ZDHHC21: variants seen among roughly 807,000 people sequenced by gnomAD.
ZDHHC21 encodes the protein zDHHC palmitoyltransferase 21.
ZDHHC21 carries 15 observed loss-of-function variants against 34.6 expected under a neutral mutation model. The ratio of observed to expected loss-of-function variants is 0.43; its 90% CI spans 0.29 to 0.67. ZDHHC21 has a LOEUF of 0.67. ZDHHC21 is among the 30% of genes least tolerant of loss of function. The pLI is 0.14. For missense variants in ZDHHC21, 344 were observed against 327.7 expected (o/e 1.05, Z -0.38); for synonymous variants, 142 against 101.8 (o/e 1.40, Z -2.38).
intron 1 of ZDHHC21, among the ~76,000 whole-genome samples, chr9:14,691,372 C>A (rs79690443): frequency 6.6e-5 from 10 of 152,158 alleles, no homozygotes; most frequent in Admixed American, 1.3e-4. Flanking sequence ...ACTGCAGAGA[C>A]CATTTGAGTT....
chr9:14,593,577 A>G, the ZDHHC21 span: 1 of 152,428 alleles, frequency 6.6e-6, no homozygotes, highest in Admixed American at 6.5e-5. Context: ...CACATGACAC[A>G]ATGTTTGCTC....
At chr9:14,655,524 A>G (rs143310963) in intron 7 of ZDHHC21, among the ~76,000 whole-genome samples, 112 of 152,070 alleles carry the variant, frequency 7.4e-4, no homozygotes, top group African/African-American at 2.5e-3. Context: ...TTTTTTCTAC[A>G]TCTACCTTCT....
At chr9:14,597,433 G>A in the ZDHHC21 span, among the ~76,000 whole-genome samples, 1 of 152,156 alleles carries the variant, frequency 6.6e-6, no homozygotes, top group Non-Finnish European at 1.5e-5. Flanking sequence ...TGGCACAAAG[G>A]GAGCTGAAGC....
intron 7 of ZDHHC21, among the ~76,000 whole-genome samples, chr9:14,647,783 T>C (rs78505235): frequency 0.053 from 8,060 of 152,246 alleles, 278 homozygotes; most frequent in Admixed American, 0.12. Context: ...CTTCAAAAAC[T>C]GATGAGTGCC....
At chr9:14,689,809 G>A (rs1482298410) in intron 2 of ZDHHC21, among the ~76,000 whole-genome samples, 2 of 152,140 alleles carry the variant, frequency 1.3e-5, no homozygotes, top group Non-Finnish European at 2.9e-5. Context: ...ATGTTGTCCA[G>A]GCTGGAGTGC....
chr9:14,682,817 C>A (rs1305685805), intron 2 of ZDHHC21, among the ~76,000 whole-genome samples: 2 of 152,176 alleles, frequency 1.3e-5, no homozygotes, highest in Admixed American at 6.5e-5. Context: ...TGTGAAAGAA[C>A]AGAAATTACA....
At position 14,614,170 on chromosome 9, in the gene ZDHHC21, C is replaced by G. The variant is rs1411913217; in HGVS notation, c.*4796G>C. 3.3e-5 allele frequency: 5 copies of G among 151,718 alleles called. No homozygotes were observed. The highest frequency in any genetic ancestry group is 3.3e-4 in the Admixed American group (5 of 15,188). The allele number at this position is 151,718 out of a possible 1,614,324, so 9.4% of individuals were successfully genotyped here. A position where few individuals can be genotyped will look rare whatever the true frequency, so the allele number is the denominator to read the frequency against. On this transcript the variant is annotated 3_prime_UTR_variant, in exon 10 of 10. Coordinates refer to ENST00000380916, the MANE Select transcript of ZDHHC21 (RefSeq NM_178566.6). ...GCTGATTATTCATGCACCATCTAGC[C>G]TTCTCTCCATCTTAGTAAGTTTGTG... is the stretch of plus-strand genomic sequence containing the variant.
intron 7 of ZDHHC21, among the ~76,000 whole-genome samples, chr9:14,644,837 C>CACAT (rs1554766556): frequency 1.0e-4 from 15 of 150,352 alleles, no homozygotes; most frequent in South Asian, 2.1e-4. Flanking sequence ...CACACACACA[C>CACAT]ATATATATAT....
In ZDHHC21 at chr9:14,641,056, T is replaced by C. The variant is rs1274140423; in HGVS notation, c.505-1044A>G. Among the ~76,000 whole-genome samples the C allele has an allele frequency of 6.6e-5, 10 of 152,086 alleles. No individual in the cohort carries two copies. In the East Asian group the frequency reaches 1.7e-3, roughly 26 times the overall value. On this transcript the variant is annotated intron_variant, in intron 7 of 9. Transcript: ENST00000380916. ...GGACACCCAAACACAACCACCCACA[T>C]GCTTTCTTTTATACTGATTCATGTT... is the stretch of plus-strand genomic sequence containing the variant.
intron 1 of ZDHHC21, among the ~76,000 whole-genome samples, chr9:14,692,985 G>C (rs1200581471): frequency 2.0e-5 from 3 of 152,000 alleles, no homozygotes; most frequent in Non-Finnish European, 4.4e-5. Flanking sequence ...ACTTAGCAAG[G>C]GGCTGTAGCT....
At position 14,618,873 on chromosome 9, in the gene ZDHHC21, T is replaced by C. The variant is rs1046444728; in HGVS notation, c.*93A>G. ...ATGCCTAAGACTGGTGGGTGGATTT[T>C]AATTGACTTGAAGACTGTCATAGTT... On this transcript the variant is annotated 3_prime_UTR_variant, in exon 10 of 10. Transcript: ENST00000380916. The C allele has an allele frequency of 1.7e-5, 23 of 1,366,826 alleles. No individual in the cohort carries two copies. The highest frequency in any genetic ancestry group is 2.1e-5 in the Non-Finnish European group (22 of 1,041,074). The allele number at this position is 1,366,826 out of a possible 1,614,324, so 84.7% of individuals were successfully genotyped here. A position where few individuals can be genotyped will look rare whatever the true frequency, so the allele number is the denominator to read the frequency against.
intron 7 of ZDHHC21, among the ~76,000 whole-genome samples, chr9:14,655,512 A>AT (rs948462823): frequency 6.6e-6 from 1 of 151,892 alleles, no homozygotes; most frequent in Non-Finnish European, 1.5e-5. Flanking sequence ...TTATCATGTG[A>AT]TTTTTTTCTA....
At chr9:14,681,869 G>C (rs1587449516) in intron 2 of ZDHHC21, among the ~76,000 whole-genome samples, 1 of 152,180 alleles carries the variant, frequency 6.6e-6, no homozygotes, top group East Asian at 1.9e-4. Context: ...AGCCAGAAGA[G>C]AACGGGGGCC....
chr9:14,678,405 A>G (rs1836801310), intron 3 of ZDHHC21, among the ~76,000 whole-genome samples: 1 of 152,088 alleles, frequency 6.6e-6, no homozygotes, highest in Non-Finnish European at 1.5e-5. Flanking sequence ...TACAACATAA[A>G]TATATAAAGA....
chr9:14,689,157 T>A (rs1363653520), intron 2 of ZDHHC21, among the ~76,000 whole-genome samples: 1 of 152,228 alleles, frequency 6.6e-6, no homozygotes, highest in Non-Finnish European at 1.5e-5. Flanking sequence ...CTTCGGCTAG[T>A]ATCATACTAG....
chr9:14,598,372 G>A, the ZDHHC21 span, among the ~76,000 whole-genome samples: 4 of 152,100 alleles, frequency 2.6e-5, no homozygotes, highest in Admixed American at 6.5e-5. Context: ...ATAATACGAC[G>A]ACTATACTAC....
intron 7 of ZDHHC21, among the ~76,000 whole-genome samples, chr9:14,648,272 G>T (rs1303548019): frequency 6.6e-6 from 1 of 151,972 alleles, no homozygotes; most frequent in East Asian, 1.9e-4. Context: ...CTAGTAGCTG[G>T]TCTTCTTGCT....
chr9:14,591,501 C>T, the ZDHHC21 span, among the ~76,000 whole-genome samples: 1 of 152,088 alleles, frequency 6.6e-6, no homozygotes, highest in Non-Finnish European at 1.5e-5. Context: ...TATATATTCT[C>T]CAGTCGCAGG....
chr9:14,606,420 G>C (rs1464345884), downstream of ZDHHC21, among the ~76,000 whole-genome samples: 1 of 152,202 alleles, frequency 6.6e-6, no homozygotes, highest in East Asian at 1.9e-4. Context: ...TGTTCTGGAT[G>C]ATAACCCAAG....
Sources: allele counts gnomAD v4.1 joint callset (sites outside exome capture counted in the v4.1 genomes callset), GRCh38; gene constraint gnomAD v4.1.1; transcripts MANE v1.5; gene names NCBI Gene and HGNC (gene_info 2026-07-23, HGNC 2026-07-21).